SHC2: variants seen among roughly 807,000 people sequenced by gnomAD.
SHC2 encodes SHC adaptor protein 2.
A neutral mutation model predicts 60.6 loss-of-function variants in SHC2; 62 were observed. The ratio of observed to expected loss-of-function variants is 1.02; its 90% CI spans 0.83 to 1.26. The LOEUF (loss-of-function observed/expected upper bound fraction) is 1.26. SHC2 is among the 50% of genes most tolerant of loss of function. The pLI is 0.00. For missense variants in SHC2, 873 were observed against 822.2 expected, an observed-to-expected ratio of 1.06 and a Z score of -0.76; for synonymous variants, 375 against 372.4, an observed-to-expected ratio of 1.01 and a Z score of -0.08.
chr19:458,850 G>A (rs1359628159), intron 1 of SHC2, among the ~76,000 whole-genome samples: 6 of 151,688 alleles, frequency 4.0e-5, no homozygotes, highest in African/African-American at 1.2e-4. Context: ...CCGGGGAGGC[G>A]GAAGCGGGTC....
rs1184220862 is a variant in SHC2, at chr19:439,022, A to G, written c.548T>C (p.Ile183Thr). The change falls in exon 3 of 13, where the codon ATC (isoleucine) becomes ACC (threonine). Residue 183 changes from isoleucine to threonine, a missense_variant. Coordinates refer to ENST00000264554, the MANE Select transcript of SHC2 (RefSeq NM_012435.3). Reference protein sequence around the residue: ...NTRTQVTREAINRLHEAVPGV... With the variant: ...NTRTQVTREATNRLHEAVPGV... ...AGGCACGGCCTCATGGAGCCGGTTG[A>G]TGGCTTCCCTGGGGTTGGGAGGAGG... 3 of 1,430,762 alleles carry G rather than the reference A, an allele frequency of 2.1e-6. No individual in the cohort carries two copies. Among genetic ancestry groups the G allele is most frequent in the Admixed American group, 3.9e-5 (2 of 50,896 alleles). The allele number at this position is 1,430,762 out of a possible 1,614,324, so 88.6% of individuals were successfully genotyped here. A position where few individuals can be genotyped will look rare whatever the true frequency, so the allele number is the denominator to read the frequency against.
At chr19:436,576 C>G in intron 5 of SHC2, 54 bp downstream of exon 5, 1 of 1,589,228 alleles carries the variant, frequency 6.3e-7, no homozygotes, top group Non-Finnish European at 8.6e-7. Context: ...GAGAGGGTCT[C>G]GCGGCCGGAG....
At chr19:434,240 CTGAGTGAGATCATGAGTGAGTGAGATCA>C (rs1335301106) in intron 8 of SHC2, among the ~76,000 whole-genome samples, 47 of 3,224 alleles carry the variant, frequency 0.015, no homozygotes, top group African/African-American at 0.056. Flanking sequence ...GAGTGAGATC[CTGAGTGAGATCATGAGTGAGTGAGATCA>C]TGAGTGAGAT....
chr19:425,065 C>G lies in SHC2; in HGVS notation c.1309+32G>C. On this transcript the variant is annotated intron_variant, in intron 10 of 12. Coordinates refer to ENST00000264554, the MANE Select transcript of SHC2 (RefSeq NM_012435.3). This position sits in a 1 kb window ranked among gnomAD's most constrained non-coding sequence, Gnocchi z 4.1. ...CCCCATCAGACAACACGGCCACACG[C>G]GATGACGGCCGCCCCCCAGGCTGCC... 10 of 1,355,842 alleles carry G rather than the reference C, an allele frequency of 7.4e-6. No homozygotes were observed. Among genetic ancestry groups the G allele is most frequent in the Non-Finnish European group, 9.6e-6 (10 of 1,045,134 alleles). 84.0% of individuals were successfully genotyped at this position (1,355,842 alleles called of 1,614,324 possible). A position where few individuals can be genotyped will look rare whatever the true frequency, so the allele number is the denominator to read the frequency against.
rs1240211085 is a variant in SHC2, at chr19:440,673, G to T, written c.539+189C>A. 6.6e-6 allele frequency among the ~76,000 whole-genome samples: 1 copy of T among 152,226 alleles called. No homozygotes were observed. Among genetic ancestry groups the T allele is most frequent in the Non-Finnish European group, 1.5e-5 (1 of 68,042 alleles). ...AGAGGATCGAGGTCTGCAGGGCACG[G>T]TGACCGACACCTGGCGTGGGGACAG... On this transcript the variant is annotated intron_variant, in intron 2 of 12. Transcript: ENST00000264554. This position sits in a 1 kb window ranked among gnomAD's most constrained non-coding sequence, Gnocchi z 7.0.
rs1459494720 is a variant in SHC2 at position 438,988 on chromosome 19, C to T, written c.582G>A (p.Arg194=). Residue 194 remains arginine, a synonymous_variant, in exon 3 of 13, where the codon CGG becomes CGA. Transcript: ENST00000264554. This position sits in a 1 kb window ranked among gnomAD's most constrained non-coding sequence, Gnocchi z 5.0. The stretch of plus-strand genomic sequence containing the variant: ...CACTCACCTTTTTCTTCCAGGATCC[C>T]CGGACGCCAGGCACGGCCTCATGGA... The part of the protein sequence containing the change: ...NRLHEAVPGV[R]GSWKKKAPNK... The T allele has an allele frequency of 2.5e-6, 4 of 1,601,688 alleles. No homozygotes were observed. Among genetic ancestry groups the T allele is most frequent in the Non-Finnish European group, 3.4e-6 (4 of 1,174,930 alleles).
chr19:416,599 A>G lies in SHC2; in HGVS notation c.*729T>C, dbSNP rs904454330. On this transcript the variant is annotated 3_prime_UTR_variant, in exon 13 of 13. Coordinates refer to ENST00000264554, the MANE Select transcript of SHC2 (RefSeq NM_012435.3). ...CAGGTGGGCTTGTGCTCTTGTGGCCATTCCCAGGTTTAATTACAAACCGAT... is the reference window on the plus strand; with the variant it reads ...CAGGTGGGCTTGTGCTCTTGTGGCCGTTCCCAGGTTTAATTACAAACCGAT... 1.3e-5 allele frequency: 2 copies of G among 152,178 alleles called. No homozygotes were observed. Among genetic ancestry groups the G allele is most frequent in the Non-Finnish European group, 2.9e-5 (2 of 68,044 alleles). The allele number at this position is 152,178 out of a possible 1,614,324, so 9.4% of individuals were successfully genotyped here. A position where few individuals can be genotyped will look rare whatever the true frequency, so the allele number is the denominator to read the frequency against.
chr19:439,375 C>T (rs776091304), intron 2 of SHC2: 182 of 336,038 alleles, frequency 5.4e-4, no homozygotes, highest in Non-Finnish European at 8.0e-4. Context: ...TCCCTGGCCT[C>T]GGCCCACAAG....
At chr19:449,009 AATACAAAAAGT>A (rs1218127483) in intron 1 of SHC2, among the ~76,000 whole-genome samples, 1 of 151,892 alleles carries the variant, frequency 6.6e-6, no homozygotes, top group African/African-American at 2.4e-5. Flanking sequence ...AAAATACAAA[AATACAAAAAGT>A]AGCCAGGCAT....
rs1975255581 is a variant in SHC2 at position 453,623 on chromosome 19, C to G, written c.468+6906G>C. Among the ~76,000 whole-genome samples the G allele has an allele frequency of 6.6e-6, 1 of 152,170 alleles. No homozygotes were observed. The highest frequency in any genetic ancestry group is 1.5e-5 in the Non-Finnish European group (1 of 68,038). The stretch of plus-strand genomic sequence containing the variant: ...GAGCCATGGGATTCATCCACCGTGT[C>G]AACTGGCCACACCTGACCCCTCGCC... On this transcript the variant is annotated intron_variant, in intron 1 of 12. Coordinates refer to ENST00000264554, the MANE Select transcript of SHC2 (RefSeq NM_012435.3). The surrounding 1 kb of genome is among the most constrained non-coding windows in gnomAD (Gnocchi z 6.3).
chr19:426,574 G>A (rs1974423535), intron 9 of SHC2, among the ~76,000 whole-genome samples: 1 of 33,996 alleles, frequency 2.9e-5, no homozygotes, highest in African/African-American at 1.2e-4. Flanking sequence ...CACCGAGAGG[G>A]GCAGAGTCCG....
intron 8 of SHC2, among the ~76,000 whole-genome samples, chr19:434,224 G>GTGAGTGAGTGAGATCCTGAGTGAGATCA (rs1974647730): frequency 3.0e-5 from 4 of 131,600 alleles, no homozygotes; most frequent in South Asian, 2.4e-4. Context: ...CTGTGATTGA[G>GTGAGTGAGTGAGATCCTGAGTGAGATCA]TGAGTGAGTG....
intron 1 of SHC2, among the ~76,000 whole-genome samples, chr19:457,191 C>T (rs1975366155): frequency 7.6e-6 from 1 of 132,338 alleles, no homozygotes; most frequent in Admixed American, 7.2e-5. Context: ...TGTGCCCCGA[C>T]TAGAACTCTG....
Position 417,336 on chromosome 19 carries a change from GAGA to G in SHC2, c.*6-17_*6-15del, listed in dbSNP as rs1974175666. ...GAGAACGGTCACCTGCGGGCAGAAAGAGAAGGCGAGGTCAGGGCTGAGACGGTG... is the reference window on the plus strand; with the variant it reads ...GAGAACGGTCACCTGCGGGCAGAAAGAGGCGAGGTCAGGGCTGAGACGGTG... On this transcript the variant is annotated splice_polypyrimidine_tract_variant and intron_variant, in intron 12 of 12. Coordinates refer to ENST00000264554, the MANE Select transcript of SHC2 (RefSeq NM_012435.3). The G allele has an allele frequency of 6.6e-6, 1 of 152,652 alleles. No homozygotes were observed. The highest frequency in any genetic ancestry group is 2.4e-5 in the African/African-American group (1 of 41,468). 9.5% of individuals were successfully genotyped at this position (152,652 alleles called of 1,614,324 possible).
chr19:426,999 G>C (rs1029451484), intron 9 of SHC2, among the ~76,000 whole-genome samples: 4 of 152,200 alleles, frequency 2.6e-5, no homozygotes, highest in Non-Finnish European at 5.9e-5. Flanking sequence ...GAACAGCCCG[G>C]GTGTGGGCAC....
chr19:427,381 G>A (rs1473581692), intron 9 of SHC2, among the ~76,000 whole-genome samples: 4 of 152,222 alleles, frequency 2.6e-5, no homozygotes, highest in East Asian at 1.9e-4. Flanking sequence ...TCGTGGGAAC[G>A]AGGGGCGCCT....
At chr19:455,138 A>T (rs763443684) in intron 1 of SHC2, among the ~76,000 whole-genome samples, 6 of 152,234 alleles carry the variant, frequency 3.9e-5, no homozygotes, top group Non-Finnish European at 7.3e-5. Flanking sequence ...CGGTGAAATA[A>T]CAATGACCTG....
At chr19:419,205 A>C in intron 11 of SHC2, 149 bp from the exon 12 acceptor site, 1 of 916,588 alleles carries the variant, frequency 1.1e-6, no homozygotes, top group Non-Finnish European at 1.6e-6. Flanking sequence ...CACCAGCCAA[A>C]GGATCGGCCT....
In SHC2 at chr19:448,844, G is replaced by C. The variant is rs1237895830; in HGVS notation, c.469-7912C>G. ...GGATCCCAGGACGGAACAACTGTGAGGCTAAAGGTGGTAAAAGAGACAGGA... is the reference window on the plus strand; with the variant it reads ...GGATCCCAGGACGGAACAACTGTGACGCTAAAGGTGGTAAAAGAGACAGGA... On this transcript the variant is annotated intron_variant, in intron 1 of 12. Transcript: ENST00000264554. Among the ~76,000 whole-genome samples, 3 of 152,162 alleles carry C rather than the reference G, an allele frequency of 2.0e-5. No individual in the cohort carries two copies. In the East Asian group the frequency reaches 5.8e-4, roughly 29 times the overall value.
Sources: gnomAD v4.1 joint callset for allele counts (sites outside exome capture counted in the v4.1 genomes callset) on GRCh38, gnomAD v4.1.1 for gene constraint, Gnocchi (gnomAD v3.1) non-coding constraint, MANE v1.5 for transcripts, NCBI Gene and HGNC (gene_info 2026-07-23, HGNC 2026-07-21) for gene names.